NBEA: variants seen among roughly 807,000 people sequenced by gnomAD.
NBEA encodes neurobeachin.
In NBEA, 44 loss-of-function variants were observed where a neutral mutation model predicts 343.4. The ratio of observed to expected loss-of-function variants is 0.13; its 90% confidence interval spans 0.10 to 0.16. The LOEUF is 0.16. NBEA is among the 10% of genes least tolerant of loss of function. NBEA has a pLI of 1.00. For missense variants in NBEA, 2,555 were observed against 3,631.3 expected (o/e 0.70, Z 7.62); for synonymous variants, 1,175 against 1,238.7 (o/e 0.95, Z 1.08).
intron 10 of NBEA, among the ~76,000 whole-genome samples, chr13:35,085,513 A>G (rs901471058): frequency 6.6e-6 from 1 of 152,036 alleles, no homozygotes; most frequent in African/African-American, 2.4e-5. Context: ...TGCAGAAAAG[A>G]CCTTTGACAA....
intron 34 of NBEA, among the ~76,000 whole-genome samples, chr13:35,264,840 A>G (rs2033533543): frequency 6.6e-6 from 1 of 151,906 alleles, no homozygotes; most frequent in African/African-American, 2.4e-5. Flanking sequence ...GAGAACAAGT[A>G]AACTCACTCT....
At chr13:35,588,606 A>G (rs1046934413) in intron 46 of NBEA, among the ~76,000 whole-genome samples, 3 of 152,190 alleles carry the variant, frequency 2.0e-5, no homozygotes, top group Non-Finnish European at 4.4e-5. Context: ...CTTGTCTACA[A>G]TATGAGACCC....
intron 52 of NBEA, 49 bp from the exon 53 acceptor site, chr13:35,651,756 T>G: frequency 8.7e-7 from 1 of 1,152,360 alleles, no homozygotes; most frequent in East Asian, 2.5e-5. Context: ...GGAAATCCCT[T>G]CTTTCTGAGA....
intron 38 of NBEA, among the ~76,000 whole-genome samples, chr13:35,371,469 T>G (rs633471): frequency 0.015 from 2,331 of 152,158 alleles, 58 homozygotes; most frequent in African/African-American, 0.053. Flanking sequence ...TTTGTTTGTT[T>G]GTTATGATAC....
At chr13:35,438,018 C>G (rs891934547) in intron 39 of NBEA, among the ~76,000 whole-genome samples, 1 of 151,912 alleles carries the variant, frequency 6.6e-6, no homozygotes, top group Admixed American at 6.6e-5. Flanking sequence ...TCATCAAAAC[C>G]TAAGACTGCA....
intron 45 of NBEA, among the ~76,000 whole-genome samples, chr13:35,567,255 A>G (rs569035249): frequency 2.2e-4 from 34 of 152,334 alleles, no homozygotes; most frequent in African/African-American, 7.2e-4. Flanking sequence ...AGATGTAGAG[A>G]GAGTTTTCTC....
At chr13:34,995,980 C>T (rs1459154072) in intron 1 of NBEA, among the ~76,000 whole-genome samples, 1 of 152,194 alleles carries the variant, frequency 6.6e-6, no homozygotes, top group African/African-American at 2.4e-5. Flanking sequence ...AGAGCCTGAG[C>T]ATTTGTTAAC....
intron 36 of NBEA, among the ~76,000 whole-genome samples, chr13:35,324,212 T>C (rs1039565787): frequency 5.9e-5 from 9 of 152,190 alleles, no homozygotes; most frequent in Non-Finnish European, 2.9e-5. Context: ...GGAGATAAGA[T>C]GAGCAGGACA....
At chr13:35,350,494 C>T (rs1845994235) in intron 37 of NBEA, among the ~76,000 whole-genome samples, 1 of 151,990 alleles carries the variant, frequency 6.6e-6, no homozygotes, top group Admixed American at 6.6e-5. Context: ...ACCCGACACA[C>T]ACCAATTTTT....
At chr13:35,088,560 A>G (rs17051845) in intron 10 of NBEA, among the ~76,000 whole-genome samples, 4,265 of 152,022 alleles carry the variant, frequency 0.028, 90 homozygotes, top group South Asian at 0.075. Context: ...TTTCCAGTGT[A>G]TTCTGGGTCA....
chr13:35,137,271 A>C (rs1233153477), intron 17 of NBEA, among the ~76,000 whole-genome samples: 1 of 152,192 alleles, frequency 6.6e-6, no homozygotes, highest in Non-Finnish European at 1.5e-5. Context: ...TAACACGGTG[A>C]AACCCCGTCT....
At chr13:35,125,131 C>T (rs1392905219) in intron 17 of NBEA, among the ~76,000 whole-genome samples, 1 of 151,964 alleles carries the variant, frequency 6.6e-6, no homozygotes, top group Non-Finnish European at 1.5e-5. Flanking sequence ...CCCCTTTTTC[C>T]TGTAAAATGT....
chr13:35,204,858 G>A (rs527425913), intron 31 of NBEA, among the ~76,000 whole-genome samples: 1 of 152,082 alleles, frequency 6.6e-6, no homozygotes, highest in South Asian at 2.1e-4. Flanking sequence ...CCCTAAATAG[G>A]TTACCCACAG....
At chr13:35,155,704 T>C (rs2069125021) in intron 18 of NBEA, 70 bp from the exon 19 acceptor site, 13 of 1,183,398 alleles carry the variant, frequency 1.1e-5, no homozygotes, top group Non-Finnish European at 1.5e-5. Context: ...GCAGGTTCAT[T>C]GTATATCTAT....
intron 23 of NBEA, among the ~76,000 whole-genome samples, chr13:35,163,688 T>C (rs1222073389): frequency 6.6e-6 from 1 of 152,126 alleles, no homozygotes; most frequent in Non-Finnish European, 1.5e-5. Context: ...ACATCTACAT[T>C]GTATGTTTTG....
chr13:35,116,769 AAT>A (rs1285911073), intron 13 of NBEA, among the ~76,000 whole-genome samples: 1 of 152,006 alleles, frequency 6.6e-6, no homozygotes, highest in Non-Finnish European at 1.5e-5. Flanking sequence ...TGCATATTAG[AAT>A]ATATTATATT....
chr13:35,316,254 C>T (rs1285016323), intron 36 of NBEA, among the ~76,000 whole-genome samples: 2 of 152,032 alleles, frequency 1.3e-5, no homozygotes, highest in Non-Finnish European at 2.9e-5. Flanking sequence ...GCTATCCCTC[C>T]CCTAGTCCTC....
chr13:35,235,214 G>A (rs190374879), intron 34 of NBEA, among the ~76,000 whole-genome samples: 1 of 151,996 alleles, frequency 6.6e-6, no homozygotes, highest in Non-Finnish European at 1.5e-5. Flanking sequence ...ATTTCCTGTA[G>A]TTAGATGCTA....
chr13:35,002,273 C>G (rs548763810), intron 1 of NBEA, among the ~76,000 whole-genome samples: 3 of 152,092 alleles, frequency 2.0e-5, no homozygotes, highest in Non-Finnish European at 4.4e-5. Flanking sequence ...CTTCAGTGTT[C>G]TCTGACATAC....
Sources: gnomAD v4.1 joint callset for allele counts (sites outside exome capture counted in the v4.1 genomes callset) on GRCh38, gnomAD v4.1.1 for gene constraint, MANE v1.5 for transcripts, NCBI Gene and HGNC (gene_info 2026-07-23, HGNC 2026-07-21) for gene names.